The following DPP10 variants were observed in gnomAD, a reference collection of about 807,000 sequenced individuals.
DPP10 encodes the protein dipeptidyl peptidase like 10, also known as inactive dipeptidyl peptidase 10.
A neutral mutation model predicts 120.9 loss-of-function variants in DPP10; 33 were observed. The ratio of observed to expected loss-of-function variants is 0.27; its 90% CI spans 0.21 to 0.37. The LOEUF is 0.37. Among genes scored for constraint, DPP10 ranks in the 10% least tolerant of loss-of-function variants. The probability of loss-of-function intolerance (pLI) is 1.00; values close to 1 mark genes in which losing one functional copy is unlikely to be tolerated. For missense variants in DPP10, 816 were observed against 942.8 expected (o/e 0.87, Z 1.76); for synonymous variants, 337 against 326.1 (o/e 1.03, Z -0.36).
intron 1 of DPP10, among the ~76,000 whole-genome samples, chr2:114,688,517 G>A (rs1451340399): frequency 6.6e-6 from 1 of 151,890 alleles, no homozygotes; most frequent in Non-Finnish European, 1.5e-5. Flanking sequence ...AAGCTTCTTA[G>A]GATGTTCTGA....
rs540772116 is a variant in DPP10, at chr2:115,052,947, A to G, written c.61-256292A>G. Among the ~76,000 whole-genome samples, 5 of 89,052 alleles carry G rather than the reference A, an allele frequency of 5.6e-5. No homozygotes were observed. In the East Asian group the frequency reaches 1.6e-3, roughly 29 times the overall value. 58.4% of individuals were successfully genotyped at this position (89,052 alleles called of 152,430 possible). ...AGCCTGGGTGACAGAGGGAGACTCCATCTCAAAAAAAAAAAAAAAAAGGAA... is the reference window on the plus strand; with the variant it reads ...AGCCTGGGTGACAGAGGGAGACTCCGTCTCAAAAAAAAAAAAAAAAAGGAA... On this transcript the variant is annotated intron_variant, in intron 1 of 25. Transcript: ENST00000410059.
rs74500939 is a variant in DPP10, at chr2:115,705,651, G to C, written c.576+15730G>C. 3.3e-3 allele frequency among the ~76,000 whole-genome samples: 509 copies of C among 152,088 alleles called. 27 individuals carry two copies. The East Asian group carries it at 0.081, about 24-fold the overall frequency. ...AAACAATTTACACTATTAATATCAAGTGTTTGACATGATGAGTGTTTCCAA... is the reference window on the plus strand; with the variant it reads ...AAACAATTTACACTATTAATATCAACTGTTTGACATGATGAGTGTTTCCAA... On this transcript the variant is annotated intron_variant, in intron 7 of 25. Coordinates refer to ENST00000410059, the MANE Select transcript of DPP10 (RefSeq NM_020868.6).
At position 114,532,342 on chromosome 2, in the gene DPP10, A is replaced by G. The variant is rs150929134; in HGVS notation, c.60+89504A>G. On this transcript the variant is annotated intron_variant, in intron 1 of 25. Transcript: ENST00000410059. ...AGATACACACCATATATATCTCTCT[A>G]TATATATGTATACCATATATATATG... Among the ~76,000 whole-genome samples, 3 of 146,452 alleles carry G rather than the reference A, an allele frequency of 2.0e-5. No individual in the cohort carries two copies. In the Admixed American group the frequency reaches 2.1e-4, roughly 10 times the overall value.
rs1051887520 is a variant in DPP10 at position 115,357,624 on chromosome 2, G to T, written c.271+13712G>T. Among the ~76,000 whole-genome samples the T allele has an allele frequency of 5.3e-5, 8 of 152,134 alleles. No homozygotes were observed. The East Asian group carries it at 1.2e-3, about 22-fold the overall frequency. On this transcript the variant is annotated intron_variant, in intron 3 of 25. Coordinates refer to ENST00000410059, the MANE Select transcript of DPP10 (RefSeq NM_020868.6). ...AACATTCTAAGGTCTGGAGGATGGT[G>T]GGCCCCTTCTCACAACTCCACTAGG...
At chr2:115,341,928 AAT>A (rs1295175018) in intron 2 of DPP10, among the ~76,000 whole-genome samples, 1 of 152,150 alleles carries the variant, frequency 6.6e-6, no homozygotes, top group Non-Finnish European at 1.5e-5. Flanking sequence ...TTTCTGTGTT[AAT>A]ATGTTTTCAC....
chr2:114,542,640 C>T (rs533064993), intron 1 of DPP10, among the ~76,000 whole-genome samples: 13 of 152,284 alleles, frequency 8.5e-5, no homozygotes, highest in South Asian at 4.1e-4. Flanking sequence ...ATTTGCTAGC[C>T]GTGTGACCCT....
chr2:115,834,117 A>G (rs970206109), intron 21 of DPP10, among the ~76,000 whole-genome samples: 2 of 152,230 alleles, frequency 1.3e-5, no homozygotes, highest in Non-Finnish European at 2.9e-5. Context: ...GCTTTGCTCA[A>G]GCTTCTGAGT....
rs145745214 is a variant in DPP10 at position 115,594,601 on chromosome 2, T to C, written c.441+68629T>C. The stretch of plus-strand genomic sequence containing the variant: ...GTGAAAGTTCTGGAAGTTTTTTCTC[T>C]AGTCCAATGGCACAATCTCCAAAAT... On this transcript the variant is annotated intron_variant, in intron 5 of 25. Transcript: ENST00000410059. Among the ~76,000 whole-genome samples the C allele has an allele frequency of 1.4e-4, 22 of 152,294 alleles. No homozygotes were observed. In the East Asian group the frequency reaches 4.0e-3, roughly 28 times the overall value.
chr2:115,751,558 A>G (rs1021756307), intron 10 of DPP10, among the ~76,000 whole-genome samples: 2 of 152,176 alleles, frequency 1.3e-5, no homozygotes, highest in Non-Finnish European at 1.5e-5. Flanking sequence ...AAAATATTAC[A>G]GCCTTCCTTG....
intron 1 of DPP10, among the ~76,000 whole-genome samples, chr2:114,710,129 AC>A (rs1700929176): frequency 1.3e-5 from 2 of 152,236 alleles, no homozygotes; most frequent in Admixed American, 1.3e-4. Context: ...TTGACAAACT[AC>A]TAAGGCCTGT....
At chr2:114,467,263 G>A (rs1429324719) in intron 1 of DPP10, among the ~76,000 whole-genome samples, 2 of 152,166 alleles carry the variant, frequency 1.3e-5, no homozygotes, top group Non-Finnish European at 2.9e-5. Context: ...TGCTTAGAGA[G>A]GTCAGCAAGT....
chr2:114,672,310 G>A (rs1005849046), intron 1 of DPP10, among the ~76,000 whole-genome samples: 1 of 152,232 alleles, frequency 6.6e-6, no homozygotes, highest in East Asian at 1.9e-4. Flanking sequence ...AGGGTTAATG[G>A]AAATAATGTC....
chr2:114,853,275 T>C (rs1228383613), intron 1 of DPP10, among the ~76,000 whole-genome samples: 2 of 152,212 alleles, frequency 1.3e-5, no homozygotes, highest in Non-Finnish European at 2.9e-5. Flanking sequence ...AAACATTCCC[T>C]GAGCTACTAA....
intron 1 of DPP10, among the ~76,000 whole-genome samples, chr2:115,117,506 G>A (rs1289066961): frequency 2.6e-5 from 4 of 152,126 alleles, no homozygotes; most frequent in African/African-American, 9.7e-5. Flanking sequence ...CACTCGAGAG[G>A]ATGAGTTGGT....
intron 1 of DPP10, among the ~76,000 whole-genome samples, chr2:115,082,069 G>T (rs1015537051): frequency 6.6e-6 from 1 of 152,144 alleles, no homozygotes; most frequent in Non-Finnish European, 1.5e-5. Flanking sequence ...ATGCTTTTAA[G>T]AAATTATTTT....
chr2:115,020,844 T>C (rs942998120), intron 1 of DPP10, among the ~76,000 whole-genome samples: 1 of 152,046 alleles, frequency 6.6e-6, no homozygotes, highest in Non-Finnish European at 1.5e-5. Flanking sequence ...TCGAATACAA[T>C]TGGAAATCAA....
chr2:115,784,455 T>G (rs1361278970), intron 17 of DPP10, among the ~76,000 whole-genome samples: 1 of 152,208 alleles, frequency 6.6e-6, no homozygotes, highest in Non-Finnish European at 1.5e-5. Flanking sequence ...TTAATAACAT[T>G]AAAAATTTAC....
intron 1 of DPP10, among the ~76,000 whole-genome samples, chr2:114,852,635 G>A (rs541013066): frequency 7.0e-4 from 106 of 152,064 alleles, no homozygotes; most frequent in Non-Finnish European, 1.3e-3. Context: ...GCGGGGGCGG[G>A]GGTCTGAAAC....
intron 1 of DPP10, among the ~76,000 whole-genome samples, chr2:114,963,225 T>G (rs922972219): frequency 5.9e-5 from 9 of 152,224 alleles, no homozygotes; most frequent in African/African-American, 1.9e-4. Flanking sequence ...AAGCTGACGT[T>G]TCACCAGAGC....
Sources: gnomAD v4.1 joint callset for allele counts (sites outside exome capture counted in the v4.1 genomes callset) on GRCh38, gnomAD v4.1.1 for gene constraint, MANE v1.5 for transcripts, NCBI Gene and HGNC (gene_info 2026-07-23, HGNC 2026-07-21) for gene names.